Variants in HECW2 observed in about 807,000 individuals in gnomAD.
The protein encoded by HECW2 is HECT, C2 and WW domain containing E3 ubiquitin protein ligase 2, also known as E3 ubiquitin-protein ligase HECW2.
HECW2 carries 61 observed loss-of-function variants against 175.2 expected under a neutral mutation model. The observed-to-expected ratio is 0.35, with a 90% CI of 0.28 to 0.43. HECW2 has a LOEUF of 0.43. HECW2 is among the 20% of genes least tolerant of loss of function. The probability of loss-of-function intolerance (pLI) is 1.00; values close to 1 mark genes in which losing one functional copy is unlikely to be tolerated. For synonymous variants in HECW2, 671 were observed against 731.0 expected, an observed-to-expected ratio of 0.92 and a Z score of 1.32; for missense variants, 1,524 against 2,000.5, an observed-to-expected ratio of 0.76 and a Z score of 4.54.
intron 21 of HECW2, among the ~76,000 whole-genome samples, chr2:196,235,057 C>A (rs1224688750): frequency 6.6e-6 from 1 of 151,618 alleles, no homozygotes; most frequent in Non-Finnish European, 1.5e-5. Flanking sequence ...ATGAACTAAT[C>A]AACTAAAGTA....
At chr2:196,404,984 C>T (rs1318438556) in intron 2 of HECW2, among the ~76,000 whole-genome samples, 1 of 59,674 alleles carries the variant, frequency 1.7e-5, no homozygotes, top group Non-Finnish European at 3.8e-5. Context: ...GCCACCACTC[C>T]CGGCAAATTT....
chr2:196,567,725 T>A (rs563257382), intron 1 of HECW2, among the ~76,000 whole-genome samples: 1 of 152,232 alleles, frequency 6.6e-6, no homozygotes, highest in African/African-American at 2.4e-5. Context: ...ATAATTATGT[T>A]CTTTGGCAAA....
chr2:196,395,907 C>A (rs1694648741), intron 2 of HECW2, among the ~76,000 whole-genome samples: 1 of 152,120 alleles, frequency 6.6e-6, no homozygotes, highest in South Asian at 2.1e-4. Flanking sequence ...TAAAATGGGA[C>A]TCAAACAGGT....
At chr2:196,297,908 A>G (rs1690879834) in intron 13 of HECW2, among the ~76,000 whole-genome samples, 1 of 152,200 alleles carries the variant, frequency 6.6e-6, no homozygotes, top group Non-Finnish European at 1.5e-5. Context: ...TACAGGATTT[A>G]CATTGTTCTC....
chr2:196,241,928 GTTTTAGATGATCCTATAATT>G (rs924445630), intron 20 of HECW2, among the ~76,000 whole-genome samples, 136 bp downstream of exon 20: 1 of 152,172 alleles, frequency 6.6e-6, no homozygotes, highest in Non-Finnish European at 1.5e-5. Context: ...CCAGGACTAT[GTTTTAGATGATCCTATAATT>G]TACAAATTCC....
chr2:196,563,408 AT>A (rs1690073105), intron 1 of HECW2, among the ~76,000 whole-genome samples: 1 of 151,722 alleles, frequency 6.6e-6, no homozygotes, highest in Admixed American at 6.6e-5. Flanking sequence ...TCTACTAAAA[AT>A]TGAAAAATTA....
intron 2 of HECW2, among the ~76,000 whole-genome samples, chr2:196,375,743 A>T (rs1694034168): frequency 6.6e-6 from 1 of 152,268 alleles, no homozygotes; most frequent in South Asian, 2.1e-4. Flanking sequence ...ACAGAGAAAC[A>T]TCATCTATTT....
intron 1 of HECW2, among the ~76,000 whole-genome samples, chr2:196,490,309 TC>T (rs1456128393): frequency 6.6e-6 from 1 of 152,228 alleles, no homozygotes; most frequent in Non-Finnish European, 1.5e-5. Flanking sequence ...CATTTTATTT[TC>T]TCTCCCTTTT....
intron 3 of HECW2, among the ~76,000 whole-genome samples, chr2:196,338,432 A>T (rs559606486): frequency 2.4e-4 from 37 of 152,234 alleles, no homozygotes; most frequent in African/African-American, 8.7e-4. Flanking sequence ...TAAACATTAT[A>T]CTCTTTCGTA....
chr2:196,235,645 A>ATTTTTTTTTTTTTTTTT (rs1559454147), intron 21 of HECW2, among the ~76,000 whole-genome samples: 1 of 100,498 alleles, frequency 1.0e-5, no homozygotes, highest in African/African-American at 3.8e-5. Context: ...TAGATGCATT[A>ATTTTTTTTTTTTTTTTT]TTCTTTTTTT....
chr2:196,590,749 C>A (rs1233257448), intron 1 of HECW2, among the ~76,000 whole-genome samples: 1 of 152,246 alleles, frequency 6.6e-6, no homozygotes, highest in African/African-American at 2.4e-5. Context: ...GCCAAAGCAT[C>A]TGTCCTCAAC....
At chr2:196,290,834 C>T (rs1016845198) in intron 14 of HECW2, 1 of 152,126 alleles carries the variant, frequency 6.6e-6, no homozygotes, top group South Asian at 2.1e-4. Flanking sequence ...TCTGTCACGC[C>T]CATCTGACTC....
intron 28 of HECW2, among the ~76,000 whole-genome samples, chr2:196,206,109 C>A (rs1180265623): frequency 6.6e-6 from 1 of 152,200 alleles, no homozygotes; most frequent in Non-Finnish European, 1.5e-5. Flanking sequence ...CAGGAGGGCC[C>A]TGGACTGTGT....
At chr2:196,344,230 A>T (rs1692866673) in intron 2 of HECW2, among the ~76,000 whole-genome samples, 1 of 151,782 alleles carries the variant, frequency 6.6e-6, no homozygotes, top group Non-Finnish European at 1.5e-5. Context: ...CTTTGCCAGG[A>T]ACAGTGTTTA....
intron 14 of HECW2, among the ~76,000 whole-genome samples, chr2:196,279,647 A>T (rs570279284): frequency 8.9e-4 from 136 of 152,330 alleles, no homozygotes; most frequent in Middle Eastern, 6.8e-3. Context: ...TTGTCCACAG[A>T]AAAGACATTC....
At chr2:196,556,643 A>G (rs187985364) in intron 1 of HECW2, among the ~76,000 whole-genome samples, 5 of 152,290 alleles carry the variant, frequency 3.3e-5, no homozygotes, top group Admixed American at 3.3e-4. Context: ...TTGCCTGGCA[A>G]TTGTCTTAGC....
chr2:196,278,823 C>T lies in HECW2; in HGVS notation c.3001-161G>A, dbSNP rs1007363865. On this transcript the variant is annotated intron_variant, in intron 14 of 28. Transcript: ENST00000644978. ...GAAATTTCTCCTTACCCACACAGGA[C>T]AGATCAGATTAGAGAAAGCCAAGCT... The T allele has an allele frequency of 6.9e-6, 5 of 721,504 alleles. No homozygotes were observed. The African/African-American group carries it at 8.9e-5, about 13-fold the overall frequency. The allele number at this position is 721,504 out of a possible 1,614,324, so 44.7% of individuals were successfully genotyped here.
At chr2:196,291,259 C>G (rs1171964703) in intron 14 of HECW2, 1 of 152,132 alleles carries the variant, frequency 6.6e-6, no homozygotes, top group African/African-American at 2.4e-5. Context: ...TCACCTATGG[C>G]CTTATCTGTG....
intron 17 of HECW2, among the ~76,000 whole-genome samples, chr2:196,268,096 C>G (rs928779484): frequency 6.6e-6 from 1 of 152,218 alleles, no homozygotes; most frequent in Non-Finnish European, 1.5e-5. Context: ...ATGCTCCTCA[C>G]AACTATATAA....
Sources: gnomAD v4.1 joint callset for allele counts (sites outside exome capture counted in the v4.1 genomes callset) on GRCh38, gnomAD v4.1.1 for gene constraint, MANE v1.5 for transcripts, NCBI Gene and HGNC (gene_info 2026-07-23, HGNC 2026-07-21) for gene names.